Variants in CLCN6 observed in about 807,000 individuals in gnomAD.
The protein encoded by CLCN6 is Cl-/H+ antiporter 6, also known as H(+)/Cl(-) exchange transporter 6.
In CLCN6, 70 loss-of-function variants were observed where a neutral mutation model predicts 109.8. The ratio of observed to expected loss-of-function variants is 0.64; its 90% confidence interval spans 0.53 to 0.78. The LOEUF is 0.78. Ranked by LOEUF, CLCN6 falls within the 30% of genes least tolerant of loss-of-function variation. The pLI is 0.00. For missense variants in CLCN6, 984 were observed against 1,142.3 expected (o/e 0.86, Z 2.00); for synonymous variants, 444 against 447.8 (o/e 0.99, Z 0.11).
rs377515553 is a variant in CLCN6, at chr1:11,827,212, G to A, written c.831G>A (p.Thr277=). The stretch of plus-strand genomic sequence containing the variant: ...CGTCCTTCTGGAACCAAGGGCTCAC[G>A]TGGAAAGTGGTGAGGAGGACCTTCA... The part of the protein sequence containing the change: ...EGSSFWNQGL[T]WKVLFCSMSA... Residue 277 remains threonine (T), a synonymous_variant, in exon 10 of 23, where the codon ACG becomes ACA. Transcript: ENST00000346436. 48 of 1,611,686 alleles carry A rather than the reference G, an allele frequency of 3.0e-5. No individual in the cohort carries two copies. The highest frequency in any genetic ancestry group is 3.6e-5 in the Non-Finnish European group (43 of 1,178,652).
rs556371768 is a variant in CLCN6 at position 11,823,032 on chromosome 1, G to C, written c.453+231G>C. Among the ~76,000 whole-genome samples, 16 of 152,298 alleles carry C rather than the reference G, an allele frequency of 1.1e-4. No individual in the cohort carries two copies. The South Asian group carries it at 3.3e-3, about 32-fold the overall frequency. ...ACAGATTCTGGGGGGAGGAAAAAAG[G>C]GGGAAAGGGCTGAAAACAAAACTGT... On this transcript the variant is annotated intron_variant, in intron 6 of 22. Coordinates refer to ENST00000346436, the MANE Select transcript of CLCN6 (RefSeq NM_001286.5).
chr1:11,831,566 C>A (rs1375096419), intron 13 of CLCN6, among the ~76,000 whole-genome samples: 1 of 152,136 alleles, frequency 6.6e-6, no homozygotes, highest in African/African-American at 2.4e-5. Context: ...AAAAAGTTTG[C>A]CGACCCCTGT....
intron 8 of CLCN6, among the ~76,000 whole-genome samples, chr1:11,825,472 C>T (rs1173985014): frequency 6.6e-6 from 1 of 152,218 alleles, no homozygotes; most frequent in Non-Finnish European, 1.5e-5. Flanking sequence ...ACAGCTTCCG[C>T]GTCCCCTTCC....
intron 17 of CLCN6, among the ~76,000 whole-genome samples, chr1:11,835,194 G>A (rs1025131051): frequency 2.0e-5 from 3 of 152,228 alleles, no homozygotes; most frequent in African/African-American, 4.8e-5. Flanking sequence ...AGCAGTAAGC[G>A]TGACGGACTT....
Position 11,822,765 on chromosome 1 carries a change from C to T in CLCN6, c.417C>T (p.Thr139=). ...SLLELLGFNL[T]FVFLASLLVL... ...TTGAACTCCTGGGTTTTAACCTCAC[C>T]TTTGTCTTCCTGGCAAGCCTCCTTG... The change falls in exon 6 of 23, where the codon ACC becomes ACT. Residue 139 remains threonine (T), a synonymous_variant. Transcript: ENST00000346436. 6.2e-7 allele frequency: 1 copy of T among 1,614,052 alleles called. No individual in the cohort carries two copies. Among genetic ancestry groups the T allele is most frequent in the Non-Finnish European group, 8.5e-7 (1 of 1,179,926 alleles).
chr1:11,832,294 GC>G (rs1003745026), intron 13 of CLCN6, among the ~76,000 whole-genome samples: 2 of 152,226 alleles, frequency 1.3e-5, no homozygotes, highest in African/African-American at 4.8e-5. Flanking sequence ...TAGAGACAAA[GC>G]CATCTGATTT....
chr1:11,838,428 C>T lies in CLCN6; in HGVS notation c.2389C>T (p.Pro797Ser). Residue 797 changes from proline to serine, a missense_variant, in exon 21 of 23, where the codon CCG becomes TCG. Transcript: ENST00000346436. ...IHDLDLTLLN[P>S]RMIVDVTPYM... Reference sequence around the variant, plus strand: ...CGACCTGGACCTGACGCTGCTCAACCCGCGCATGATCGTGGTGAGAAGGGC... The same window carrying T: ...CGACCTGGACCTGACGCTGCTCAACTCGCGCATGATCGTGGTGAGAAGGGC... The T allele has an allele frequency of 6.2e-7, 1 of 1,614,158 alleles. No homozygotes were observed. Among genetic ancestry groups the T allele is most frequent in the Non-Finnish European group, 8.5e-7 (1 of 1,180,040 alleles).
At chr1:11,809,969 A>G (rs1355341409) in intron 2 of CLCN6, among the ~76,000 whole-genome samples, 1 of 152,232 alleles carries the variant, frequency 6.6e-6, no homozygotes, top group Non-Finnish European at 1.5e-5. Flanking sequence ...GGGACAGGTT[A>G]AAATAGTTGA....
chr1:11,830,805 C>T (rs1194176131), intron 13 of CLCN6, among the ~76,000 whole-genome samples: 10 of 138,018 alleles, frequency 7.2e-5, no homozygotes, highest in Non-Finnish European at 1.5e-4. Context: ...CACACACACA[C>T]ACACACACAA....
intron 17 of CLCN6, 76 bp from the exon 18 acceptor site, chr1:11,835,891 G>T: frequency 7.1e-7 from 1 of 1,408,562 alleles, no homozygotes; most frequent in South Asian, 1.3e-5. Context: ...GAGCAGGGCT[G>T]GAGAGCCAGC....
intron 4 of CLCN6, 122 bp downstream of exon 4, chr1:11,816,802 A>G (rs1216966740): frequency 4.9e-6 from 3 of 618,486 alleles, no homozygotes; most frequent in East Asian, 3.4e-5. Flanking sequence ...TTATAATGCA[A>G]TAACACTTGT....
In CLCN6 at chr1:11,829,237, T is replaced by G; in HGVS notation, c.1163T>G (p.Val388Gly). 1.9e-6 allele frequency: 3 copies of G among 1,614,136 alleles called. No individual in the cohort carries two copies. The highest frequency in any genetic ancestry group is 2.5e-6 in the Non-Finnish European group (3 of 1,180,004). ...CTTGTGTCTCTGGTAACCACCGTGG[T>G]GGTGTTTGTGGCCTCGATGGTGTTA... is the stretch of plus-strand genomic sequence containing the variant. ...SLLVSLVTTVVVFVASMVLGE... is the reference protein window; with the variant it reads ...SLLVSLVTTVGVFVASMVLGE... The change falls in exon 13 of 23, where the codon GTG becomes GGG. Residue 388 changes from valine (V) to glycine (G), a missense_variant. Physicochemically the swap from Val to Gly is moderately radical, Grantham distance 109. Coordinates refer to ENST00000346436, the MANE Select transcript of CLCN6 (RefSeq NM_001286.5).
intron 17 of CLCN6, among the ~76,000 whole-genome samples, chr1:11,835,059 C>T (rs1644927287): frequency 6.6e-6 from 1 of 152,208 alleles, no homozygotes; most frequent in African/African-American, 2.4e-5. Context: ...GCAGGCAAGG[C>T]CCTTACGGGC....
chr1:11,840,678 A>G lies in CLCN6; in HGVS notation c.*455A>G. 1 of 215,200 alleles carries G rather than the reference A, an allele frequency of 4.6e-6. No homozygotes were observed. The highest frequency in any genetic ancestry group is 9.6e-6 in the Non-Finnish European group (1 of 103,798). The allele number at this position is 215,200 out of a possible 1,614,324, so 13.3% of individuals were successfully genotyped here. On this transcript the variant is annotated 3_prime_UTR_variant, in exon 23 of 23. Coordinates refer to ENST00000346436, the MANE Select transcript of CLCN6 (RefSeq NM_001286.5). ...CAGTGACAACATACAGTTCATGACT[A>G]GGTTTAGGAATTGGGCACTGAGAAA...
chr1:11,835,004 C>T (rs780521632), intron 17 of CLCN6, among the ~76,000 whole-genome samples: 4 of 152,234 alleles, frequency 2.6e-5, no homozygotes, highest in Admixed American at 6.5e-5. Flanking sequence ...CACCTCATAA[C>T]CCACCTGCTA....
In CLCN6 at chr1:11,829,247, G is replaced by A; in HGVS notation, c.1173G>A (p.Val391=). ...VSLVTTVVVF[V]ASMVLGECRQ... ...TGGTAACCACCGTGGTGGTGTTTGTGGCCTCGATGGTGTTAGGAGAATGCC... is the reference window on the plus strand; with the variant it reads ...TGGTAACCACCGTGGTGGTGTTTGTAGCCTCGATGGTGTTAGGAGAATGCC... Residue 391 remains valine (V), a synonymous_variant, in exon 13 of 23, where the codon GTG becomes GTA. Transcript: ENST00000346436. 1.2e-6 allele frequency: 2 copies of A among 1,614,108 alleles called. No homozygotes were observed. The highest frequency in any genetic ancestry group is 1.7e-6 in the Non-Finnish European group (2 of 1,179,996).
At chr1:11,832,642 G>A (rs1319030956) in intron 13 of CLCN6, among the ~76,000 whole-genome samples, 4 of 152,212 alleles carry the variant, frequency 2.6e-5, no homozygotes, top group Non-Finnish European at 5.9e-5. Flanking sequence ...TTGTTAGCAC[G>A]TCCACATAAT....
rs751005653 is a variant in CLCN6 at position 11,828,644 on chromosome 1, C to A, written c.1121+20C>A. 8.3e-6 allele frequency: 13 copies of A among 1,575,234 alleles called. No individual in the cohort carries two copies. The highest frequency in any genetic ancestry group is 6.8e-5 in the African/African-American group (5 of 73,754). On this transcript the variant is annotated intron_variant, in intron 12 of 22. Coordinates refer to ENST00000346436, the MANE Select transcript of CLCN6 (RefSeq NM_001286.5). ...CGTCAGGTATCTGCACAGTCGCCTC[C>A]CCCCCGAGCCTGCTGCGGCTCCCTG...
At chr1:11,829,402 C>A (rs924899968) in intron 13 of CLCN6, 80 bp downstream of exon 13, 16 of 1,529,108 alleles carry the variant, frequency 1.0e-5, no homozygotes, top group Non-Finnish European at 1.4e-5. Context: ...CTGTTGAGAA[C>A]TAATAGATAT....
Sources: allele counts gnomAD v4.1 joint callset (sites outside exome capture counted in the v4.1 genomes callset), GRCh38; gene constraint gnomAD v4.1.1; transcripts MANE v1.5; gene names NCBI Gene and HGNC (gene_info 2026-07-23, HGNC 2026-07-21).